The following BTAF1 variants were observed in gnomAD, a reference collection of about 807,000 sequenced individuals.
BTAF1 encodes B-TFIID TATA-box binding protein associated factor 1.
BTAF1 carries 38 observed loss-of-function variants against 227.1 expected under a neutral mutation model. That is an observed-to-expected ratio of 0.17 (90% CI 0.13 to 0.22). BTAF1 has a LOEUF of 0.22. BTAF1 is among the 10% of genes least tolerant of loss of function. The pLI, the probability that BTAF1 is intolerant of heterozygous loss-of-function variation, is 1.00. For missense variants in BTAF1, 1,598 were observed against 2,204.0 expected, an observed-to-expected ratio of 0.73 and a Z score of 5.51; for synonymous variants, 742 against 751.9, an observed-to-expected ratio of 0.99 and a Z score of 0.21.
At position 91,996,358 on chromosome 10, in the gene BTAF1, T is replaced by C. The variant is rs778697203; in HGVS notation, c.3310-11T>C. On this transcript the variant is annotated splice_polypyrimidine_tract_variant and intron_variant, in intron 23 of 37. Transcript: ENST00000265990. ...TAATAATTCTAATTGCCATTAACTT[T>C]TTGTTTTTAGTTGGTCCAGCATTTG... 14 of 1,611,344 alleles carry C rather than the reference T, an allele frequency of 8.7e-6. No homozygotes were observed. Among genetic ancestry groups the C allele is most frequent in the Middle Eastern group, 1.7e-4 (1 of 6,056 alleles).
chr10:91,934,614 C>T (rs921319547), intron 1 of BTAF1, among the ~76,000 whole-genome samples: 2 of 152,148 alleles, frequency 1.3e-5, no homozygotes, highest in Non-Finnish European at 2.9e-5. Context: ...CCATTAGTTT[C>T]TTGACCCAAG....
intron 28 of BTAF1, among the ~76,000 whole-genome samples, chr10:92,010,871 A>G (rs965274213): frequency 8.5e-5 from 13 of 152,224 alleles, no homozygotes; most frequent in African/African-American, 3.1e-4. Flanking sequence ...TTTCAGTCTG[A>G]TGTTCATCTC....
intron 4 of BTAF1, among the ~76,000 whole-genome samples, chr10:91,946,178 G>A (rs527440448): frequency 1.5e-3 from 228 of 152,240 alleles, no homozygotes; most frequent in African/African-American, 5.1e-3. Flanking sequence ...GACCAACATG[G>A]AGAAACCCCA....
Position 91,989,127 on chromosome 10 carries a change from A to AT in BTAF1, c.2428-22dup, listed in dbSNP as rs777541289. On this transcript the variant is annotated intron_variant, in intron 19 of 37. Transcript: ENST00000265990. Reference sequence around the variant, plus strand: ...CTATTTGGGGTTGATATGATTAATGATTTTTAATTTCTTTTTTTTTTAATA... The same window carrying AT: ...CTATTTGGGGTTGATATGATTAATGATTTTTTAATTTCTTTTTTTTTTAATA... 4.5e-6 allele frequency: 7 copies of AT among 1,565,354 alleles called. No individual in the cohort carries two copies. The African/African-American group carries it at 5.5e-5, about 12-fold the overall frequency.
intron 4 of BTAF1, among the ~76,000 whole-genome samples, chr10:91,944,770 T>C (rs189492576): frequency 6.6e-6 from 1 of 152,348 alleles, no homozygotes; most frequent in African/African-American, 2.4e-5. Flanking sequence ...TTTGGTCTCT[T>C]TAGATTTGCT....
At chr10:91,972,293 C>T (rs573774987) in intron 14 of BTAF1, among the ~76,000 whole-genome samples, 71 of 152,096 alleles carry the variant, frequency 4.7e-4, no homozygotes, top group Non-Finnish European at 4.7e-4. Flanking sequence ...TTTCTAAATC[C>T]ACTCCTGTAT....
intron 19 of BTAF1, among the ~76,000 whole-genome samples, chr10:91,988,157 A>T (rs979673314): frequency 2.6e-5 from 4 of 152,210 alleles, no homozygotes; most frequent in African/African-American, 7.2e-5. Flanking sequence ...AGCAACTTGC[A>T]CTTACCTCAG....
Position 91,951,304 on chromosome 10 carries a change from A to T in BTAF1, c.401-99A>T, listed in dbSNP as rs1589790277. ...ATGGTTGGTTTTATTGGCAGAAGGG[A>T]TGCTTTGTGTATTTTTTTATTTTGA... is the stretch of plus-strand genomic sequence containing the variant. On this transcript the variant is annotated intron_variant, in intron 4 of 37. Coordinates refer to ENST00000265990, the MANE Select transcript of BTAF1 (RefSeq NM_003972.3). 5 of 1,250,268 alleles carry T rather than the reference A, an allele frequency of 4.0e-6. No individual in the cohort carries two copies. The South Asian group carries it at 7.5e-5, about 19-fold the overall frequency. The allele number at this position is 1,250,268 out of a possible 1,614,324, so 77.4% of individuals were successfully genotyped here.
At chr10:92,022,227 A>C (rs1400309362) in intron 34 of BTAF1, among the ~76,000 whole-genome samples, 1 of 152,232 alleles carries the variant, frequency 6.6e-6, no homozygotes, top group Non-Finnish European at 1.5e-5. Context: ...AGATTACATT[A>C]GGAAGAATGT....
At chr10:92,001,237 G>C (rs1195984512) in intron 25 of BTAF1, among the ~76,000 whole-genome samples, 1 of 152,190 alleles carries the variant, frequency 6.6e-6, no homozygotes, top group African/African-American at 2.4e-5. Context: ...GCAAAACAGA[G>C]TACCTGAAGG....
intron 2 of BTAF1, among the ~76,000 whole-genome samples, chr10:91,937,958 G>A (rs186586065): frequency 6.6e-6 from 1 of 152,254 alleles, no homozygotes; most frequent in East Asian, 1.9e-4. Flanking sequence ...TTTGATTATA[G>A]CCATCCTGCT....
At chr10:91,987,052 T>C (rs1714718859) in intron 19 of BTAF1, among the ~76,000 whole-genome samples, 1 of 152,136 alleles carries the variant, frequency 6.6e-6, no homozygotes, top group Non-Finnish European at 1.5e-5. Flanking sequence ...ACGTTCTTCT[T>C]TTAGGCATTT....
intron 4 of BTAF1, among the ~76,000 whole-genome samples, chr10:91,944,072 A>T (rs1323504822): frequency 1.3e-5 from 2 of 151,706 alleles, no homozygotes; most frequent in African/African-American, 4.8e-5. Flanking sequence ...AATGGCTTGA[A>T]CCCGGGAGGC....
chr10:92,019,123 T>A (rs1352223920), intron 34 of BTAF1, among the ~76,000 whole-genome samples, 188 bp downstream of exon 34: 1 of 152,234 alleles, frequency 6.6e-6, no homozygotes, highest in African/African-American at 2.4e-5. Flanking sequence ...ATTTTAACCA[T>A]TTTAAGTGTG....
chr10:91,962,714 G>A (rs745512523), intron 12 of BTAF1, 36 bp downstream of exon 12: 5 of 1,522,758 alleles, frequency 3.3e-6, no homozygotes, highest in Non-Finnish European at 4.4e-6. Flanking sequence ...TTACTATAGA[G>A]CTTGTTTTCA....
Position 92,026,121 on chromosome 10 carries a change from TGTTA to T in BTAF1, c.5076-467_5076-464del, listed in dbSNP as rs753506906. Among the ~76,000 whole-genome samples, 5 of 152,232 alleles carry T rather than the reference TGTTA, an allele frequency of 3.3e-5. 1 individual carries two copies. The highest frequency in any genetic ancestry group is 3.8e-4 in the East Asian group (2 of 5,196). ...GTAGCTTGGTAGCTGCTATTTTTAA[TGTTA>T]GTTTTTTCTTTTTCCTAGAAGTTAC... On this transcript the variant is annotated intron_variant, in intron 35 of 37. Coordinates refer to ENST00000265990, the MANE Select transcript of BTAF1 (RefSeq NM_003972.3).
chr10:92,012,023 A>C (rs1426120858), intron 30 of BTAF1, among the ~76,000 whole-genome samples: 1 of 149,832 alleles, frequency 6.7e-6, no homozygotes, highest in Non-Finnish European at 1.5e-5. Context: ...ATTCCTTCCA[A>C]CTTTAAAAAC....
At chr10:91,937,571 C>A (rs966780800) in intron 2 of BTAF1, among the ~76,000 whole-genome samples, 2 of 152,050 alleles carry the variant, frequency 1.3e-5, no homozygotes, top group Non-Finnish European at 2.9e-5. Flanking sequence ...CTATTGTGAT[C>A]GATTTCTTTT....
intron 4 of BTAF1, among the ~76,000 whole-genome samples, chr10:91,948,737 A>G (rs1465036552): frequency 6.7e-6 from 1 of 150,158 alleles, no homozygotes; most frequent in African/African-American, 2.5e-5. Flanking sequence ...TATTTTGCAC[A>G]TTATTTAATT....
Sources: gnomAD v4.1 joint callset for allele counts (sites outside exome capture counted in the v4.1 genomes callset) on GRCh38, gnomAD v4.1.1 for gene constraint, MANE v1.5 for transcripts, NCBI Gene and HGNC (gene_info 2026-07-23, HGNC 2026-07-21) for gene names.